RBM27: variants seen among roughly 807,000 people sequenced by gnomAD.
RBM27 encodes the protein RNA-binding protein 27.
In RBM27, 22 loss-of-function variants were observed where a neutral mutation model predicts 135.3. The observed-to-expected ratio is 0.16, with a 90% CI of 0.12 to 0.23. The LOEUF is 0.23. Among genes scored for constraint, RBM27 ranks in the 10% least tolerant of loss-of-function variants. RBM27 has a pLI of 1.00. For synonymous variants in RBM27, 481 were observed against 442.4 expected (o/e 1.09, Z -1.10); for missense variants, 1,009 against 1,281.0 (o/e 0.79, Z 3.24).
intron 19 of RBM27, among the ~76,000 whole-genome samples, chr5:146,273,115 A>G (rs1381046341): frequency 2.0e-5 from 3 of 152,244 alleles, no homozygotes; most frequent in Non-Finnish European, 2.9e-5. Flanking sequence ...TAGAACCAGT[A>G]CCAGTTCTGG....
Position 146,261,308 on chromosome 5 carries a change from G to A in RBM27, c.1894-202G>A, listed in dbSNP as rs752281181. 8 of 604,500 alleles carry A rather than the reference G, an allele frequency of 1.3e-5. No homozygotes were observed. The East Asian group carries it at 1.7e-4, about 13-fold the overall frequency. The allele number at this position is 604,500 out of a possible 1,614,324, so 37.4% of individuals were successfully genotyped here. On this transcript the variant is annotated intron_variant, in intron 12 of 20. Coordinates refer to ENST00000265271, the MANE Select transcript of RBM27 (RefSeq NM_018989.2). Reference sequence around the variant, plus strand: ...CTCTTTCTCTTCTTTTAAGGCCACCGATACTATTCATTAGGATGCACCTTT... The same window carrying A: ...CTCTTTCTCTTCTTTTAAGGCCACCAATACTATTCATTAGGATGCACCTTT...
intron 13 of RBM27, among the ~76,000 whole-genome samples, chr5:146,263,063 T>A (rs1324138775): frequency 6.6e-6 from 1 of 152,060 alleles, no homozygotes; most frequent in Non-Finnish European, 1.5e-5. Context: ...TTTGTATTTT[T>A]AGTAGAGACG....
At chr5:146,227,641 A>G (rs1289448656) in intron 3 of RBM27, among the ~76,000 whole-genome samples, 7 of 152,208 alleles carry the variant, frequency 4.6e-5, no homozygotes, top group Non-Finnish European at 1.0e-4. Context: ...TTCAAAGACA[A>G]TAATAAAAAT....
rs538505210 is a variant in RBM27, at chr5:146,265,685, G to A, written c.2332-1964G>A. Among the ~76,000 whole-genome samples the A allele has an allele frequency of 9.8e-5, 15 of 152,290 alleles. No homozygotes were observed. In the South Asian group the frequency reaches 2.9e-3, roughly 29 times the overall value. ...ATGTATTCCTAATGTGATATACCCT[G>A]AGGACAAAAAACAATTTAAAGAAAG... On this transcript the variant is annotated intron_variant, in intron 14 of 20. Transcript: ENST00000265271.
intron 1 of RBM27, among the ~76,000 whole-genome samples, chr5:146,218,536 G>C (rs1756311877): frequency 2.6e-5 from 4 of 152,164 alleles, no homozygotes; most frequent in South Asian, 2.1e-4. Context: ...TTTAGATACT[G>C]GTGCCTAGGG....
At chr5:146,213,490 T>A (rs978763884) in intron 1 of RBM27, among the ~76,000 whole-genome samples, 2 of 152,152 alleles carry the variant, frequency 1.3e-5, no homozygotes, top group Non-Finnish European at 2.9e-5. Flanking sequence ...ATGTATTAGT[T>A]GTTTCACCTC....
chr5:146,244,086 G>A (rs1005742201), intron 8 of RBM27, among the ~76,000 whole-genome samples: 4 of 152,164 alleles, frequency 2.6e-5, no homozygotes, highest in South Asian at 2.1e-4. Flanking sequence ...GAGAAATAAA[G>A]CATTCATTTA....
intron 14 of RBM27, among the ~76,000 whole-genome samples, chr5:146,265,240 A>G (rs888920737): frequency 1.7e-4 from 26 of 152,230 alleles, no homozygotes; most frequent in African/African-American, 5.3e-4. Flanking sequence ...TAGTATATCT[A>G]CACAGTAAAT....
chr5:146,266,372 A>T (rs983022947), intron 14 of RBM27, among the ~76,000 whole-genome samples: 2 of 152,220 alleles, frequency 1.3e-5, no homozygotes, highest in African/African-American at 4.8e-5. Flanking sequence ...CTATAAAGAG[A>T]TGTAACAAGT....
chr5:146,231,244 A>G (rs1756916985), intron 6 of RBM27, among the ~76,000 whole-genome samples: 1 of 152,092 alleles, frequency 6.6e-6, no homozygotes, highest in African/African-American at 2.4e-5. Flanking sequence ...CAAGTCACAC[A>G]CAGGCATGTG....
Position 146,269,529 on chromosome 5 carries a change from AATTAAAAAC to A in RBM27, c.2639_2647del (p.Leu880_Thr882del), listed in dbSNP as rs755413998. 2 of 1,581,160 alleles carry A rather than the reference AATTAAAAAC, an allele frequency of 1.3e-6. No homozygotes were observed. The highest frequency in any genetic ancestry group is 2.7e-5 in the African/African-American group (2 of 72,928). On this transcript the variant is annotated inframe_deletion, in exon 17 of 21. Coordinates refer to ENST00000265271, the MANE Select transcript of RBM27 (RefSeq NM_018989.2). ...GAGAAGATCTCACAATTAAAAGATGAATTAAAAACATCTTCTGCAGTCTCCACACCATCT... is the reference window on the plus strand; with the variant it reads ...GAGAAGATCTCACAATTAAAAGATGAATCTTCTGCAGTCTCCACACCATCT...
At chr5:146,250,488 G>A (rs1460141395) in intron 8 of RBM27, among the ~76,000 whole-genome samples, 2 of 151,114 alleles carry the variant, frequency 1.3e-5, no homozygotes, top group Non-Finnish European at 2.9e-5. Flanking sequence ...GTAAATGTCT[G>A]ATGTTGGACA....
intron 1 of RBM27, among the ~76,000 whole-genome samples, chr5:146,213,569 G>A (rs955825644): frequency 6.6e-6 from 1 of 152,138 alleles, no homozygotes; most frequent in African/African-American, 2.4e-5. Context: ...AAATTTTTCT[G>A]CAAGTGGGAA....
chr5:146,251,565 A>G lies in RBM27; in HGVS notation c.1280-146A>G, dbSNP rs776602437. 34 of 738,984 alleles carry G rather than the reference A, an allele frequency of 4.6e-5. 2 individuals carry two copies. The South Asian group carries it at 5.4e-4, about 12-fold the overall frequency. The allele number at this position is 738,984 out of a possible 1,614,324, so 45.8% of individuals were successfully genotyped here. A position where few individuals can be genotyped will look rare whatever the true frequency, so the allele number is the denominator to read the frequency against. On this transcript the variant is annotated intron_variant, in intron 8 of 20. Transcript: ENST00000265271. ...CACGTCTGTTCTTTCTTGAGTTAGA[A>G]AGAATCCCAGGAACATCTTTCTGTA... is the stretch of plus-strand genomic sequence containing the variant.
intron 19 of RBM27, among the ~76,000 whole-genome samples, chr5:146,275,621 C>T (rs1759064117): frequency 6.6e-6 from 1 of 152,040 alleles, no homozygotes; most frequent in Non-Finnish European, 1.5e-5. Flanking sequence ...CTTTATTTCA[C>T]AGAAATCTTA....
rs373455488 is a variant in RBM27, at chr5:146,251,774, C to T, written c.1343C>T (p.Pro448Leu). The change falls in exon 9 of 21, where the codon CCG (proline) becomes CTG (leucine). Residue 448 changes from proline (P) to leucine (L), a missense_variant. Coordinates refer to ENST00000265271, the MANE Select transcript of RBM27 (RefSeq NM_018989.2). ...AASERLQLGT[P>L]PPLLAARLVP... ...TCTGAGCGACTTCAGTTGGGGACAC[C>T]GCCTCCTCTGTTGGCAGCTCGTTTG... The T allele has an allele frequency of 2.3e-5, 37 of 1,613,240 alleles. No individual in the cohort carries two copies. The highest frequency in any genetic ancestry group is 1.1e-4 in the African/African-American group (8 of 74,874).
At chr5:146,231,063 C>A in intron 6 of RBM27, 146 bp downstream of exon 6, 1 of 1,046,574 alleles carries the variant, frequency 9.6e-7, no homozygotes, top group Non-Finnish European at 1.3e-6. Flanking sequence ...GCTCTGTCAC[C>A]CAGGATGGAG....
chr5:146,263,563 G>A lies in RBM27; in HGVS notation c.2263G>A (p.Ala755Thr), dbSNP rs1758485784. Residue 755 changes from alanine (A) to threonine (T), a missense_variant, in exon 14 of 21, where the codon GCA (alanine) becomes ACA (threonine). Ala to Thr is a moderately conservative substitution (Grantham distance 58). Transcript: ENST00000265271. ...TCCTGTTAAACATCGTCTTGGACAT[G>A]CAGGTGGTAACCAGAGTGATGCATC... ...KVPVKHRLGH[A>T]GGNQSDASHL... 1 of 1,614,048 alleles carries A rather than the reference G, an allele frequency of 6.2e-7. No individual in the cohort carries two copies. The highest frequency in any genetic ancestry group is 8.5e-7 in the Non-Finnish European group (1 of 1,180,032).
rs1240521749 is a variant in RBM27, at chr5:146,288,633, A to G, written c.*2603A>G. 6.6e-6 allele frequency: 1 copy of G among 152,132 alleles called. No homozygotes were observed. The highest frequency in any genetic ancestry group is 1.5e-5 in the Non-Finnish European group (1 of 67,956). The allele number at this position is 152,132 out of a possible 1,614,324, so 9.4% of individuals were successfully genotyped here. ...TTTACAGAAATAACATACAGCATCT[A>G]AAGCAAGTTCTGTCCCTCTTAATGT... is the stretch of plus-strand genomic sequence containing the variant. On this transcript the variant is annotated 3_prime_UTR_variant, in exon 21 of 21. Coordinates refer to ENST00000265271, the MANE Select transcript of RBM27 (RefSeq NM_018989.2).
Sources: allele counts gnomAD v4.1 joint callset (sites outside exome capture counted in the v4.1 genomes callset), GRCh38; gene constraint gnomAD v4.1.1; transcripts MANE v1.5; gene names NCBI Gene and HGNC (gene_info 2026-07-23, HGNC 2026-07-21).